CACNA2D3: variants seen among roughly 807,000 people sequenced by gnomAD.
CACNA2D3 encodes the protein calcium voltage-gated channel auxiliary subunit alpha2delta 3.
CACNA2D3 carries 60 observed loss-of-function variants against 160.6 expected under a neutral mutation model. The ratio of observed to expected loss-of-function variants is 0.37; its 90% CI spans 0.30 to 0.46. The LOEUF (loss-of-function observed/expected upper bound fraction) is 0.46. Ranked by LOEUF, CACNA2D3 falls within the 20% of genes least tolerant of loss-of-function variation. The pLI, the probability that CACNA2D3 is intolerant of heterozygous loss-of-function variation, is 1.00. For synonymous variants in CACNA2D3, 558 were observed against 492.9 expected (o/e 1.13, Z -1.75); for missense variants, 1,205 against 1,365.0 (o/e 0.88, Z 1.85).
chr3:54,374,388 T>A lies in CACNA2D3; in HGVS notation c.322-12327T>A, dbSNP rs140292651. ...CTCTCAAGAATCTGACCTGGAGCCC[T>A]GCTCAGGGCGAGGGAGTCAAGAGCA... On this transcript the variant is annotated intron_variant, in intron 3 of 37. Coordinates refer to ENST00000474759, the MANE Select transcript of CACNA2D3 (RefSeq NM_018398.3). Among the ~76,000 whole-genome samples the A allele has an allele frequency of 2.9e-3, 442 of 152,360 alleles. 2 individuals are homozygous for A. The highest frequency in any genetic ancestry group is 0.01 in the African/African-American group (429 of 41,588).
chr3:54,994,910 T>G (rs553314859), intron 31 of CACNA2D3, among the ~76,000 whole-genome samples: 20 of 152,324 alleles, frequency 1.3e-4, no homozygotes, highest in African/African-American at 4.8e-4. Context: ...GCAGAGTTTT[T>G]CTTTTTACAT....
chr3:54,435,621 TGAA>T (rs1419464794), intron 4 of CACNA2D3, among the ~76,000 whole-genome samples: 2 of 152,074 alleles, frequency 1.3e-5, no homozygotes. Flanking sequence ...GCCTGCAAAA[TGAA>T]GAGATGAAAT....
intron 13 of CACNA2D3, among the ~76,000 whole-genome samples, chr3:54,766,874 A>C (rs1702234401): frequency 6.6e-6 from 1 of 151,774 alleles, no homozygotes; most frequent in Non-Finnish European, 1.5e-5. Context: ...TATATAGCAT[A>C]CTACCTTTTA....
rs1233001764 is a variant in CACNA2D3 at position 54,245,107 on chromosome 3, A to G, written c.205-75335A>G. 2.0e-5 allele frequency among the ~76,000 whole-genome samples: 3 copies of G among 152,162 alleles called. No individual in the cohort carries two copies. In the East Asian group the frequency reaches 5.8e-4, roughly 29 times the overall value. ...TAATTATTAATGTCATTCCCTTTCA[A>G]TCTCAACAATGTCTTTGGACAATAA... On this transcript the variant is annotated intron_variant, in intron 2 of 37. Coordinates refer to ENST00000474759, the MANE Select transcript of CACNA2D3 (RefSeq NM_018398.3).
At chr3:54,449,488 T>G (rs374747832) in intron 4 of CACNA2D3, among the ~76,000 whole-genome samples, 7 of 152,356 alleles carry the variant, frequency 4.6e-5, no homozygotes, top group African/African-American at 1.7e-4. Context: ...TTTGCCAATT[T>G]TAAGTCATTC....
intron 2 of CACNA2D3, among the ~76,000 whole-genome samples, chr3:54,240,410 A>G (rs896106541): frequency 1.3e-5 from 2 of 152,206 alleles, no homozygotes; most frequent in Admixed American, 6.5e-5. Context: ...AATGCTTCTC[A>G]AAGGCGGTTA....
chr3:54,848,139 A>G (rs1295422750), intron 17 of CACNA2D3, among the ~76,000 whole-genome samples: 1 of 152,150 alleles, frequency 6.6e-6, no homozygotes, highest in Non-Finnish European at 1.5e-5. Flanking sequence ...GCCAACAAAC[A>G]TTTGCCTAGC....
Position 54,712,741 on chromosome 3 carries a change from G to C in CACNA2D3, c.1168-39858G>C, listed in dbSNP as rs1575435820. Among the ~76,000 whole-genome samples, 5 of 152,332 alleles carry C rather than the reference G, an allele frequency of 3.3e-5. No individual in the cohort carries two copies. The South Asian group carries it at 1.0e-3, about 32-fold the overall frequency. On this transcript the variant is annotated intron_variant, in intron 11 of 37. Coordinates refer to ENST00000474759, the MANE Select transcript of CACNA2D3 (RefSeq NM_018398.3). ...CTTTTCCATTTTCCAGAGGCTGTCT[G>C]AATTTCTTGGCCCATTGCCCCTTCC...
intron 17 of CACNA2D3, among the ~76,000 whole-genome samples, chr3:54,850,145 C>T (rs1338294202): frequency 2.0e-5 from 3 of 152,146 alleles, no homozygotes; most frequent in African/African-American, 4.8e-5. Flanking sequence ...CTGTCCTCGC[C>T]ACCAGCTTGT....
intron 27 of CACNA2D3, among the ~76,000 whole-genome samples, chr3:54,945,088 G>A (rs1055747059): frequency 6.6e-6 from 1 of 152,168 alleles, no homozygotes; most frequent in East Asian, 1.9e-4. Flanking sequence ...AAGCTTGTTT[G>A]TCAGCATCTG....
At chr3:54,364,691 T>C (rs1575416571) in intron 3 of CACNA2D3, among the ~76,000 whole-genome samples, 1 of 152,226 alleles carries the variant, frequency 6.6e-6, no homozygotes, top group East Asian at 1.9e-4. Flanking sequence ...ACTTTTCACT[T>C]GATTATAGTG....
At chr3:54,147,967 C>T (rs1700068202) in intron 2 of CACNA2D3, among the ~76,000 whole-genome samples, 1 of 152,184 alleles carries the variant, frequency 6.6e-6, no homozygotes, top group Non-Finnish European at 1.5e-5. Context: ...CCACCATGCC[C>T]AGCTAATTTT....
intron 2 of CACNA2D3, among the ~76,000 whole-genome samples, chr3:54,233,847 T>G (rs1057497881): frequency 1.3e-5 from 2 of 152,222 alleles, no homozygotes; most frequent in African/African-American, 4.8e-5. Flanking sequence ...GAATTGATTT[T>G]ATCTAGAAGA....
chr3:54,804,890 A>C (rs1277932220), intron 13 of CACNA2D3, among the ~76,000 whole-genome samples: 3 of 152,252 alleles, frequency 2.0e-5, no homozygotes, highest in Non-Finnish European at 4.4e-5. Context: ...ACTCAGGATT[A>C]AGAAACTCAC....
At chr3:54,781,096 A>C (rs570206341) in intron 13 of CACNA2D3, among the ~76,000 whole-genome samples, 1 of 149,664 alleles carries the variant, frequency 6.7e-6, no homozygotes, top group Non-Finnish European at 1.5e-5. Context: ...CTTAATTTTA[A>C]CTATTAATGT....
chr3:55,012,398 ATTC>A (rs1430127394), intron 34 of CACNA2D3, among the ~76,000 whole-genome samples: 2 of 151,928 alleles, frequency 1.3e-5, no homozygotes, highest in East Asian at 1.9e-4. Context: ...TCTTTTTGGC[ATTC>A]TTCTTCATAC....
intron 14 of CACNA2D3, among the ~76,000 whole-genome samples, chr3:54,828,620 A>G (rs1703796786): frequency 6.6e-6 from 1 of 152,214 alleles, no homozygotes; most frequent in South Asian, 2.1e-4. Flanking sequence ...TCTCATATAG[A>G]TGTTCCAAGA....
At chr3:54,151,342 A>C (rs1576961899) in intron 2 of CACNA2D3, among the ~76,000 whole-genome samples, 2 of 151,904 alleles carry the variant, frequency 1.3e-5, no homozygotes, top group South Asian at 4.2e-4. Context: ...AGATGAGTGG[A>C]TAGATAGTTG....
chr3:54,389,347 C>A (rs1463121972), intron 4 of CACNA2D3, among the ~76,000 whole-genome samples: 1 of 151,008 alleles, frequency 6.6e-6, no homozygotes, highest in African/African-American at 2.4e-5. Flanking sequence ...GCAACTAATG[C>A]ATATAGAAAA....
Sources: gnomAD v4.1 joint callset for allele counts (sites outside exome capture counted in the v4.1 genomes callset) on GRCh38, gnomAD v4.1.1 for gene constraint, MANE v1.5 for transcripts, NCBI Gene and HGNC (gene_info 2026-07-23, HGNC 2026-07-21) for gene names.